KLHDC8A: variants seen among roughly 807,000 people sequenced by gnomAD.
KLHDC8A encodes kelch domain-containing protein 8A.
Under a neutral mutation model 33.1 loss-of-function variants are expected in KLHDC8A, and 21 were observed. The ratio of observed to expected loss-of-function variants is 0.64; its 90% CI spans 0.45 to 0.91. KLHDC8A has a LOEUF of 0.91. Among genes scored for constraint, KLHDC8A ranks in the 40% least tolerant of loss-of-function variants. KLHDC8A has a pLI of 0.00. For synonymous variants in KLHDC8A, 173 were observed against 193.5 expected, an observed-to-expected ratio of 0.89 and a Z score of 0.88; for missense variants, 435 against 483.3, an observed-to-expected ratio of 0.90 and a Z score of 0.94.
At chr1:205,353,199 C>A (rs1409323990) in intron 1 of KLHDC8A, among the ~76,000 whole-genome samples, 1 of 151,984 alleles carries the variant, frequency 6.6e-6, no homozygotes, top group Non-Finnish European at 1.5e-5. Flanking sequence ...TTCTGTATGG[C>A]CTGAAATCTA....
chr1:205,339,130 G>T lies in KLHDC8A; in HGVS notation c.757+64C>A, dbSNP rs986540008. The T allele has an allele frequency of 1.4e-6, 2 of 1,396,968 alleles. No individual in the cohort carries two copies. The highest frequency in any genetic ancestry group is 2.0e-6 in the Non-Finnish European group (2 of 993,894). 86.5% of individuals were successfully genotyped at this position (1,396,968 alleles called of 1,614,324 possible). Reference sequence around the variant, plus strand: ...GAAGATGGCTGGAATAGGGGTAAGGGATGGGGAGCCAGCCAGAAGGGCAGT... The same window carrying T: ...GAAGATGGCTGGAATAGGGGTAAGGTATGGGGAGCCAGCCAGAAGGGCAGT... On this transcript the variant is annotated intron_variant, in intron 4 of 5. Transcript: ENST00000367155. This position sits in a 1 kb window ranked among gnomAD's most constrained non-coding sequence, Gnocchi z 5.1.
At chr1:205,345,434 G>C (rs531945789) in intron 1 of KLHDC8A, among the ~76,000 whole-genome samples, 1 of 152,148 alleles carries the variant, frequency 6.6e-6, no homozygotes, top group East Asian at 1.9e-4. Context: ...GAAATTGATC[G>C]GTAAAGATAC....
chr1:205,340,891 G>A (rs1662772217), intron 2 of KLHDC8A, among the ~76,000 whole-genome samples: 1 of 152,240 alleles, frequency 6.6e-6, no homozygotes, highest in Admixed American at 6.5e-5. Context: ...TGGCCTATGG[G>A]ACACTGGACT....
At chr1:205,344,509 G>C (rs1445426361) in intron 1 of KLHDC8A, 1 of 152,424 alleles carries the variant, frequency 6.6e-6, no homozygotes, top group East Asian at 1.9e-4. Flanking sequence ...CCCAGATGAC[G>C]GGCACAGACG....
Position 205,343,310 on chromosome 1 carries a change from T to C in KLHDC8A, c.295A>G (p.Met99Val), listed in dbSNP as rs144647509. The change falls in exon 2 of 6, where the codon ATG becomes GTG. Residue 99 changes from methionine to valine, a missense_variant. Coordinates refer to ENST00000367155, the MANE Select transcript of KLHDC8A (RefSeq NM_018203.3). ...CACTTGCCCTCATCGATGTTGTACA[T>C]CTCCACGACCTTCAGGGGCAGCTGA... ...TNQLPLKVVE[M>V]YNIDEGKWKK... The C allele has an allele frequency of 3.0e-5, 48 of 1,613,486 alleles. No individual in the cohort carries two copies. In the African/African-American group the frequency reaches 6.1e-4, roughly 21 times the overall value.
chr1:205,348,944 C>T (rs1370424762), intron 1 of KLHDC8A, among the ~76,000 whole-genome samples: 1 of 152,188 alleles, frequency 6.6e-6, no homozygotes, highest in African/African-American at 2.4e-5. Flanking sequence ...AGCTAATCAC[C>T]TTCTCATTCC....
intron 1 of KLHDC8A, chr1:205,351,519 A>C (rs1296753767): frequency 4.1e-6 from 3 of 729,432 alleles, no homozygotes; most frequent in Non-Finnish European, 7.7e-6. Context: ...CTCTCTCCAT[A>C]GGTCCTGTTT....
At chr1:205,350,713 C>A (rs567317213) in intron 1 of KLHDC8A, among the ~76,000 whole-genome samples, 1 of 152,230 alleles carries the variant, frequency 6.6e-6, no homozygotes, top group Non-Finnish European at 1.5e-5. Context: ...ATGATTTACA[C>A]ACCAGCCCTG....
chr1:205,350,795 G>A (rs2102297884), intron 1 of KLHDC8A, among the ~76,000 whole-genome samples: 1 of 152,348 alleles, frequency 6.6e-6, no homozygotes, highest in Non-Finnish European at 1.5e-5. Context: ...ATGATGGCGT[G>A]CGTGCCTGTG....
chr1:205,339,757 T>C lies in KLHDC8A; in HGVS notation c.428A>G (p.Asn143Ser), dbSNP rs1242035431. The change falls in exon 3 of 6, where the codon AAC (asparagine) becomes AGC (serine). Residue 143 changes from asparagine (N) to serine (S), a missense_variant. Coordinates refer to ENST00000367155, the MANE Select transcript of KLHDC8A (RefSeq NM_018203.3). This position sits in a 1 kb window ranked among gnomAD's most constrained non-coding sequence, Gnocchi z 5.1. ...GGMGLDLRPH[N>S]HLQHYDMLKD... ...CAGCATGTCATAGTGTTGGAGGTGG[T>C]TGTGTGGACGTAGGTCCAGGCCCAT... 2 of 1,614,104 alleles carry C rather than the reference T, an allele frequency of 1.2e-6. No individual in the cohort carries two copies. Among genetic ancestry groups the C allele is most frequent in the South Asian group, 2.2e-5 (2 of 91,068 alleles).
chr1:205,339,937 T>C lies in KLHDC8A; in HGVS notation c.377-129A>G. ...CTGCTCAGCCAGAGTGAGTCATATC[T>C]GTATCAGTGTGGTTGATAGCACCAT... On this transcript the variant is annotated intron_variant, in intron 2 of 5. Coordinates refer to ENST00000367155, the MANE Select transcript of KLHDC8A (RefSeq NM_018203.3). The surrounding 1 kb of genome is among the most constrained non-coding windows in gnomAD (Gnocchi z 5.1). The C allele has an allele frequency of 2.8e-6, 2 of 723,602 alleles. No homozygotes were observed. Among genetic ancestry groups the C allele is most frequent in the South Asian group, 3.8e-5 (2 of 52,136 alleles). The allele number at this position is 723,602 out of a possible 1,614,324, so 44.8% of individuals were successfully genotyped here. A position where few individuals can be genotyped will look rare whatever the true frequency, so the allele number is the denominator to read the frequency against.
rs1226024160 is a variant in KLHDC8A at position 205,343,276 on chromosome 1, C to T, written c.329G>A (p.Arg110Lys). Residue 110 changes from arginine to lysine, a missense_variant, in exon 2 of 6, where the codon AGG (arginine) becomes AAG (lysine). Physicochemically the swap from Arg to Lys is conservative, Grantham distance 26 (BLOSUM62 2). Coordinates refer to ENST00000367155, the MANE Select transcript of KLHDC8A (RefSeq NM_018203.3). ...CATGGCGGCCTCACGCAGCATGCTC[C>T]TCTTCTTCCACTTGCCCTCATCGAT... ...YNIDEGKWKK[R>K]SMLREAAMGI... 2 of 1,609,902 alleles carry T rather than the reference C, an allele frequency of 1.2e-6. No individual in the cohort carries two copies. Among genetic ancestry groups the T allele is most frequent in the Non-Finnish European group, 1.7e-6 (2 of 1,177,260 alleles).
At position 205,348,868 on chromosome 1, in the gene KLHDC8A, G is replaced by A. The variant is rs147368911; in HGVS notation, c.-189-5075C>T. Among the ~76,000 whole-genome samples the A allele has an allele frequency of 9.9e-4, 151 of 152,286 alleles. 1 individual carries two copies. Among genetic ancestry groups the A allele is most frequent in the Non-Finnish European group, 1.9e-3 (132 of 68,030 alleles). ...GACAGGATATCTTTTCTCCTAGCTA[G>A]CTGAAATCTCATCTGCTGCAACCTA... is the stretch of plus-strand genomic sequence containing the variant. On this transcript the variant is annotated intron_variant, in intron 1 of 5. Coordinates refer to ENST00000367155, the MANE Select transcript of KLHDC8A (RefSeq NM_018203.3).
At chr1:205,338,349 A>G (rs1415613955) in intron 5 of KLHDC8A, 146 bp downstream of exon 5, 2 of 634,782 alleles carry the variant, frequency 3.2e-6, no homozygotes, top group African/African-American at 1.8e-5. Flanking sequence ...AGGCTGGAAG[A>G]AAGGGAGTGC....
chr1:205,339,988 G>A lies in KLHDC8A; in HGVS notation c.377-180C>T, dbSNP rs1662748210. 1 of 416,706 alleles carries A rather than the reference G, an allele frequency of 2.4e-6. No individual in the cohort carries two copies. Among genetic ancestry groups the A allele is most frequent in the Admixed American group, 4.0e-5 (1 of 24,754 alleles). 25.8% of individuals were successfully genotyped at this position (416,706 alleles called of 1,614,324 possible). A position where few individuals can be genotyped will look rare whatever the true frequency, so the allele number is the denominator to read the frequency against. The stretch of plus-strand genomic sequence containing the variant: ...TCAAAGAAGTTCCTGCTATAGCTAA[G>A]CCTGAGAGTCTGTTTCTTTTTTTTT... On this transcript the variant is annotated intron_variant, in intron 2 of 5. Transcript: ENST00000367155. This position sits in a 1 kb window ranked among gnomAD's most constrained non-coding sequence, Gnocchi z 5.1.
In KLHDC8A at chr1:205,343,632, G is replaced by T. The variant is rs762674343; in HGVS notation, c.-28C>A. Reference sequence around the variant, plus strand: ...CAGCCTTGGGGAGCGCCCGGGCGCCGGGAGAGGTGCGAGCGCGGGGGTCCA... The same window carrying T: ...CAGCCTTGGGGAGCGCCCGGGCGCCTGGAGAGGTGCGAGCGCGGGGGTCCA... On this transcript the variant is annotated 5_prime_UTR_variant, in exon 2 of 6. Coordinates refer to ENST00000367155, the MANE Select transcript of KLHDC8A (RefSeq NM_018203.3). 1 of 1,540,614 alleles carries T rather than the reference G, an allele frequency of 6.5e-7. No individual in the cohort carries two copies. Among genetic ancestry groups the T allele is most frequent in the South Asian group, 1.2e-5 (1 of 81,582 alleles).
In KLHDC8A at chr1:205,339,543, C is replaced by T; in HGVS notation, c.541+101G>A. On this transcript the variant is annotated intron_variant, in intron 3 of 5. Coordinates refer to ENST00000367155, the MANE Select transcript of KLHDC8A (RefSeq NM_018203.3). The surrounding 1 kb of genome is among the most constrained non-coding windows in gnomAD (Gnocchi z 5.1). ...CGGTGGGCTGGGCAGTGTGATTATC[C>T]CCAGTGCCGAGGAGATGCTCAGCAC... 1 of 1,459,040 alleles carries T rather than the reference C, an allele frequency of 6.9e-7. No individual in the cohort carries two copies. 90.4% of individuals were successfully genotyped at this position (1,459,040 alleles called of 1,614,324 possible).
intron 2 of KLHDC8A, among the ~76,000 whole-genome samples, chr1:205,340,189 AT>A (rs1662753819): frequency 6.6e-6 from 1 of 151,384 alleles, no homozygotes; most frequent in Non-Finnish European, 1.5e-5. Context: ...TAATTTTTGT[AT>A]TTTTTGTAGA....
chr1:205,337,914 C>T (rs1662678973), intron 5 of KLHDC8A, among the ~76,000 whole-genome samples: 1 of 152,158 alleles, frequency 6.6e-6, no homozygotes, highest in Non-Finnish European at 1.5e-5. Context: ...GACACGGTTC[C>T]TTCATGCCTG....
Sources: allele counts gnomAD v4.1 joint callset (sites outside exome capture counted in the v4.1 genomes callset), GRCh38; gene constraint gnomAD v4.1.1; non-coding constraint Gnocchi (gnomAD v3.1); transcripts MANE v1.5; gene names NCBI Gene and HGNC (gene_info 2026-07-23, HGNC 2026-07-21).